ARHGAP17: variants seen among roughly 807,000 people sequenced by gnomAD.
ARHGAP17 encodes the protein rho GTPase-activating protein 17.
In ARHGAP17, 57 loss-of-function variants were observed where a neutral mutation model predicts 99.5. The observed-to-expected ratio is 0.57, with a 90% CI of 0.46 to 0.71. The LOEUF is 0.71. Among genes scored for constraint, ARHGAP17 ranks in the 30% least tolerant of loss-of-function variants. ARHGAP17 has a pLI of 0.00. For synonymous variants in ARHGAP17, 417 were observed against 429.6 expected (o/e 0.97, Z 0.36); for missense variants, 1,000 against 1,122.4 (o/e 0.89, Z 1.56).
intron 13 of ARHGAP17, 114 bp downstream of exon 13, chr16:24,949,285 GTTTTT>G: frequency 1.4e-6 from 1 of 715,350 alleles, no homozygotes; most frequent in Non-Finnish European, 2.2e-6. Context: ...AAGTGATGTG[GTTTTT>G]TTTGTTGTTG....
intron 3 of ARHGAP17, 95 bp from the exon 4 acceptor site, chr16:24,970,675 G>A: frequency 2.6e-6 from 3 of 1,172,228 alleles, no homozygotes; most frequent in Non-Finnish European, 3.8e-6. Context: ...TCTCCCTCCA[G>A]GCAAATTACA....
At chr16:25,010,079 TTTC>T (rs2053604805) in intron 1 of ARHGAP17, among the ~76,000 whole-genome samples, 1 of 149,178 alleles carries the variant, frequency 6.7e-6, no homozygotes, top group African/African-American at 2.5e-5. Context: ...TCCTCTTTTT[TTTC>T]TTTTTTTTTT....
intron 1 of ARHGAP17, among the ~76,000 whole-genome samples, chr16:25,001,126 A>G (rs2053349072): frequency 6.6e-6 from 1 of 152,262 alleles, no homozygotes; most frequent in Non-Finnish European, 1.5e-5. Context: ...CCAATTAAAT[A>G]AGGGATGAAA....
chr16:24,920,050 G>A lies in ARHGAP17; in HGVS notation c.*80C>T, dbSNP rs936721240. ...CTCCACTGAAAGCTTTTCACTGTTC[G>A]GTCTGCAAAGAAAGAGGTTCGCCTG... is the stretch of plus-strand genomic sequence containing the variant. On this transcript the variant is annotated 3_prime_UTR_variant, in exon 20 of 20. Transcript: ENST00000289968. 16 of 1,557,946 alleles carry A rather than the reference G, an allele frequency of 1.0e-5. No homozygotes were observed. Among genetic ancestry groups the A allele is most frequent in the Middle Eastern group, 2.3e-4 (1 of 4,312 alleles).
chr16:24,964,418 AG>A, intron 6 of ARHGAP17, 110 bp from the exon 7 acceptor site: 3 of 760,616 alleles, frequency 3.9e-6, no homozygotes, highest in Non-Finnish European at 6.6e-6. Flanking sequence ...TCTACCTGGA[AG>A]GGGTATCATT....
chr16:24,944,145 C>T (rs1037175428), intron 14 of ARHGAP17, among the ~76,000 whole-genome samples: 2 of 151,704 alleles, frequency 1.3e-5, no homozygotes, highest in Non-Finnish European at 2.9e-5. Context: ...GTGGTGCGTT[C>T]GCATAGTCCC....
intron 1 of ARHGAP17, among the ~76,000 whole-genome samples, chr16:25,001,511 G>A (rs1176168448): frequency 6.6e-6 from 1 of 152,154 alleles, no homozygotes; most frequent in South Asian, 2.1e-4. Flanking sequence ...TAGAGAAGAT[G>A]AGATGCCAAA....
intron 1 of ARHGAP17, among the ~76,000 whole-genome samples, chr16:24,980,690 A>T (rs947325304): frequency 6.6e-6 from 1 of 152,180 alleles, no homozygotes; most frequent in Non-Finnish European, 1.5e-5. Context: ...GCCTAGCAAG[A>T]ACACACCTGG....
chr16:24,993,375 C>T (rs112913094), intron 1 of ARHGAP17, among the ~76,000 whole-genome samples: 5,691 of 152,096 alleles, frequency 0.037, 340 homozygotes, highest in African/African-American at 0.13. Flanking sequence ...CACCTAAGGT[C>T]AGGTGTTCAA....
In ARHGAP17 at chr16:24,919,932, A is replaced by G. The variant is rs1772407788; in HGVS notation, c.*198T>C. ...CCATGTAAAGAAAGCCAACTTCTTC[A>G]AGACACAGGTCATTCAGCTTTAGTG... On this transcript the variant is annotated 3_prime_UTR_variant, in exon 20 of 20. Coordinates refer to ENST00000289968, the MANE Select transcript of ARHGAP17 (RefSeq NM_001006634.3). 4.5e-6 allele frequency: 3 copies of G among 667,498 alleles called. No homozygotes were observed. The South Asian group carries it at 1.1e-4, about 24-fold the overall frequency. 41.3% of individuals were successfully genotyped at this position (667,498 alleles called of 1,614,324 possible).
At position 25,015,260 on chromosome 16, in the gene ARHGAP17, ATGGCGGCGG is replaced by A; in HGVS notation, c.-8_1del. Reference sequence around the variant, plus strand: ...CTTCATGCGGTTGAACTGCTTCTTCATGGCGGCGGTGGCGGCGGCGGCCCGCGGGGCTCG... The same window carrying A: ...CTTCATGCGGTTGAACTGCTTCTTCATGGCGGCGGCGGCCCGCGGGGCTCG... On this transcript the variant is annotated start_lost and start_retained_variant and 5_prime_UTR_variant, in exon 1 of 20. Coordinates refer to ENST00000289968, the MANE Select transcript of ARHGAP17 (RefSeq NM_001006634.3). 7.4e-7 allele frequency: 1 copy of A among 1,346,940 alleles called. No individual in the cohort carries two copies. The highest frequency in any genetic ancestry group is 3.0e-5 in the Admixed American group (1 of 33,296). 83.4% of individuals were successfully genotyped at this position (1,346,940 alleles called of 1,614,324 possible).
chr16:24,978,093 C>A (rs2052571687), intron 2 of ARHGAP17, among the ~76,000 whole-genome samples: 1 of 152,176 alleles, frequency 6.6e-6, no homozygotes, highest in Non-Finnish European at 1.5e-5. Flanking sequence ...GATTTAGGAG[C>A]AGATTCCACA....
intron 13 of ARHGAP17, chr16:24,948,917 G>A (rs1267777610): frequency 6.6e-6 from 1 of 152,086 alleles, no homozygotes; most frequent in Non-Finnish European, 1.5e-5. Flanking sequence ...CATTATGGAA[G>A]TTTTGTCCCA....
At chr16:24,964,831 G>A (rs528821629) in intron 6 of ARHGAP17, among the ~76,000 whole-genome samples, 91 of 152,318 alleles carry the variant, frequency 6.0e-4, no homozygotes, top group Admixed American at 1.4e-3. Flanking sequence ...CTATGAGGCT[G>A]GGTGCGGTGG....
chr16:24,980,809 C>T (rs2052653065), intron 1 of ARHGAP17, among the ~76,000 whole-genome samples: 1 of 152,178 alleles, frequency 6.6e-6, no homozygotes, highest in Non-Finnish European at 1.5e-5. Flanking sequence ...TGCCTTTCTT[C>T]CCTAGCCAAA....
At chr16:24,937,045 A>G (rs960834134) in intron 17 of ARHGAP17, among the ~76,000 whole-genome samples, 1 of 151,436 alleles carries the variant, frequency 6.6e-6, no homozygotes. Context: ...AGCCTGGGAG[A>G]TTAAAAGGCT....
At chr16:24,966,161 G>A (rs1382482537) in intron 6 of ARHGAP17, among the ~76,000 whole-genome samples, 1 of 152,232 alleles carries the variant, frequency 6.6e-6, no homozygotes, top group Admixed American at 6.5e-5. Context: ...GAGCAAAGAT[G>A]TATCGCAGGG....
intron 1 of ARHGAP17, among the ~76,000 whole-genome samples, chr16:25,014,922 C>G (rs369417108): frequency 2.6e-5 from 4 of 152,122 alleles, no homozygotes; most frequent in Non-Finnish European, 1.5e-5. Flanking sequence ...GCGATGCTCC[C>G]GGGGCAGGGA....
intron 9 of ARHGAP17, 44 bp from the exon 10 acceptor site, chr16:24,954,774 G>A (rs752779313): frequency 1.9e-5 from 31 of 1,604,386 alleles, no homozygotes; most frequent in Non-Finnish European, 2.5e-5. Context: ...CAAACTCACG[G>A]CATTACCAAG....
Sources: gnomAD v4.1 joint callset for allele counts (sites outside exome capture counted in the v4.1 genomes callset) on GRCh38, gnomAD v4.1.1 for gene constraint, MANE v1.5 for transcripts, NCBI Gene and HGNC (gene_info 2026-07-23, HGNC 2026-07-21) for gene names.